MEF2B: variants seen among roughly 807,000 people sequenced by gnomAD.
MEF2B encodes myocyte enhancer factor 2B, also known as myocyte-specific enhancer factor 2B.
In MEF2B, 15 loss-of-function variants were observed where a neutral mutation model predicts 32.2. The ratio of observed to expected loss-of-function variants is 0.47; its 90% CI spans 0.31 to 0.72. The LOEUF (loss-of-function observed/expected upper bound fraction) is 0.72, where lower values mean the gene tolerates loss of function less well. Ranked by LOEUF, MEF2B falls within the 30% of genes least tolerant of loss-of-function variation. The pLI, the probability that MEF2B is intolerant of heterozygous loss-of-function variation, is 0.05. For synonymous variants in MEF2B, 205 were observed against 225.6 expected, an observed-to-expected ratio of 0.91 and a Z score of 0.82; for missense variants, 441 against 511.5, an observed-to-expected ratio of 0.86 and a Z score of 1.33.
chr19:19,152,999 C>T (rs552771611), intron 1 of MEF2B, among the ~76,000 whole-genome samples: 1 of 152,348 alleles, frequency 6.6e-6, no homozygotes, highest in African/African-American at 2.4e-5. Context: ...CAGCCGGAAT[C>T]GGGCCTGTTC....
chr19:19,151,588 C>T (rs770268184), intron 1 of MEF2B, among the ~76,000 whole-genome samples: 1 of 152,144 alleles, frequency 6.6e-6, no homozygotes, highest in East Asian at 1.9e-4. Flanking sequence ...GTCCCCGCTC[C>T]GCCAACTGTG....
intron 2 of MEF2B, 29 bp downstream of exon 2, chr19:19,150,653 C>T (rs2060071792): frequency 6.2e-7 from 1 of 1,613,940 alleles, no homozygotes; most frequent in Non-Finnish European, 8.5e-7. Context: ...AATGTCTTTC[C>T]CAGCCACTGT....
chr19:19,150,606 A>G, intron 2 of MEF2B, 76 bp downstream of exon 2: 7 of 1,595,140 alleles, frequency 4.4e-6, no homozygotes, highest in Non-Finnish European at 6.0e-6. Flanking sequence ...TCAATTGGTC[A>G]GGTCAGTCCC....
chr19:19,150,523 CAAAAAA>C (rs67741867), intron 2 of MEF2B, among the ~76,000 whole-genome samples, 153 bp downstream of exon 2: 12 of 103,400 alleles, frequency 1.2e-4, no homozygotes, highest in Admixed American at 1.0e-3. Context: ...GACTTCATCT[CAAAAAA>C]AAAAAAAAAA....
chr19:19,157,905 T>C (rs1189095947), intron 1 of MEF2B, among the ~76,000 whole-genome samples: 1 of 152,070 alleles, frequency 6.6e-6, no homozygotes, highest in African/African-American at 2.4e-5. Flanking sequence ...GACAGCACTT[T>C]GGTCACCCTG....
At chr19:19,158,966 G>A (rs1435068382) in intron 1 of MEF2B, among the ~76,000 whole-genome samples, 1 of 150,784 alleles carries the variant, frequency 6.6e-6, no homozygotes, top group African/African-American at 2.4e-5. Context: ...TTGAGACAGA[G>A]TTTTGCTCTT....
intron 1 of MEF2B, among the ~76,000 whole-genome samples, chr19:19,151,946 A>C: frequency 6.9e-6 from 1 of 145,494 alleles, no homozygotes; most frequent in Admixed American, 7.1e-5. Context: ...AACATGCTAA[A>C]ACCCCATCTC....
chr19:19,159,657 GGAGGACAAAAGAA>G (rs1171482202), intron 1 of MEF2B, among the ~76,000 whole-genome samples: 1 of 152,084 alleles, frequency 6.6e-6, no homozygotes, highest in African/African-American at 2.4e-5. Flanking sequence ...GGGGGAATTG[GGAGGACAAAAGAA>G]GAGCTCAGGA....
chr19:19,157,094 G>A (rs999881695), intron 1 of MEF2B: 4 of 247,632 alleles, frequency 1.6e-5, no homozygotes, highest in Non-Finnish European at 3.6e-5. Flanking sequence ...AGGTTACAGT[G>A]AGCGATGATG....
intron 2 of MEF2B, among the ~76,000 whole-genome samples, chr19:19,149,859 G>C (rs953201780): frequency 1.8e-4 from 28 of 151,486 alleles, no homozygotes; most frequent in Non-Finnish European, 1.2e-4. Flanking sequence ...CAGGAGGATT[G>C]ATTGAGGTCA....
In MEF2B at chr19:19,145,832, G is replaced by A. The variant is rs1371058058; in HGVS notation, c.1072C>T (p.Arg358Cys). Reference sequence around the variant, plus strand: ...CAGCCGTCGGCCAAGGGCAGCCGGCGCAGGGCGGGCCCAGGCCGCAGAGGC... The same window carrying A: ...CAGCCGTCGGCCAAGGGCAGCCGGCACAGGGCGGGCCCAGGCCGCAGAGGC... ...AEPLRPGPAL[R>C]RLPLADGWPR The change falls in exon 9 of 9, where the codon CGC becomes TGC. Residue 358 changes from arginine (R) to cysteine (C), a missense_variant. Physicochemically the swap from Arg to Cys is radical, Grantham distance 180 (BLOSUM62 -3). Transcript: ENST00000424583. The surrounding 1 kb of genome is among the most constrained non-coding windows in gnomAD (Gnocchi z 4.6). 4.6e-6 allele frequency: 7 copies of A among 1,526,180 alleles called. No homozygotes were observed. Among genetic ancestry groups the A allele is most frequent in the East Asian group, 2.5e-5 (1 of 40,636 alleles). The allele number at this position is 1,526,180 out of a possible 1,614,324, so 94.5% of individuals were successfully genotyped here.
chr19:19,168,037 G>T (rs1293962732), intron 1 of MEF2B, among the ~76,000 whole-genome samples: 1 of 152,188 alleles, frequency 6.6e-6, no homozygotes, highest in Non-Finnish European at 1.5e-5. Flanking sequence ...ACAGGAAGGG[G>T]ACATGAGGGA....
rs948855744 is a variant in MEF2B at position 19,145,590 on chromosome 19, G to A, written c.*207C>T. 10 of 1,234,656 alleles carry A rather than the reference G, an allele frequency of 8.1e-6. No homozygotes were observed. The highest frequency in any genetic ancestry group is 1.5e-5 in the African/African-American group (1 of 64,596). The allele number at this position is 1,234,656 out of a possible 1,614,324, so 76.5% of individuals were successfully genotyped here. On this transcript the variant is annotated 3_prime_UTR_variant, in exon 9 of 9. Transcript: ENST00000424583. This position sits in a 1 kb window ranked among gnomAD's most constrained non-coding sequence, Gnocchi z 4.6. ...AGTCTGGTCCACGGACGCCACGCGC[G>A]TTTTATTTGTGGATATACACACAAA...
chr19:19,148,027 G>A (rs1226073134), intron 3 of MEF2B, among the ~76,000 whole-genome samples, 195 bp from the exon 4 acceptor site: 1 of 152,080 alleles, frequency 6.6e-6, no homozygotes, highest in African/African-American at 2.4e-5. Context: ...CCCTGGGACC[G>A]AAAAGCCCAA....
rs1276066379 is a variant in MEF2B, at chr19:19,147,199, G to A, written c.394-16C>T. On this transcript the variant is annotated splice_polypyrimidine_tract_variant and intron_variant, in intron 4 of 8. Transcript: ENST00000424583. Reference sequence around the variant, plus strand: ...GAGCTGCAGGCTGTGGGTAGAGAAGGGATGGGTCAGAGGACCCCAGGCCAG... The same window carrying A: ...GAGCTGCAGGCTGTGGGTAGAGAAGAGATGGGTCAGAGGACCCCAGGCCAG... 6.4e-7 allele frequency: 1 copy of A among 1,560,166 alleles called. No individual in the cohort carries two copies. Among genetic ancestry groups the A allele is most frequent in the South Asian group, 1.2e-5 (1 of 85,148 alleles).
At chr19:19,153,704 G>T (rs570741348) in intron 1 of MEF2B, among the ~76,000 whole-genome samples, 1 of 151,938 alleles carries the variant, frequency 6.6e-6, no homozygotes, top group Non-Finnish European at 1.5e-5. Context: ...TGATCTGCCC[G>T]CCTTGGCCTC....
chr19:19,147,887 C>A lies in MEF2B; in HGVS notation c.259-55G>T, dbSNP rs973815169. 4.8e-5 allele frequency: 75 copies of A among 1,574,252 alleles called. No individual in the cohort carries two copies. The African/African-American group carries it at 7.8e-4, about 16-fold the overall frequency. The stretch of plus-strand genomic sequence containing the variant: ...CCTTACCCCTACCCCACCCAGGGAA[C>A]CCAGTTCTATGGGAGAGGGGACAGA... On this transcript the variant is annotated intron_variant, in intron 3 of 8. Transcript: ENST00000424583.
rs1023691199 is a variant in MEF2B at position 19,146,508 on chromosome 19, G to C, written c.769+47C>G. 5 of 1,477,718 alleles carry C rather than the reference G, an allele frequency of 3.4e-6. No individual in the cohort carries two copies. The African/African-American group carries it at 7.1e-5, about 21-fold the overall frequency. 91.5% of individuals were successfully genotyped at this position (1,477,718 alleles called of 1,614,324 possible). A position where few individuals can be genotyped will look rare whatever the true frequency, so the allele number is the denominator to read the frequency against. On this transcript the variant is annotated intron_variant, in intron 7 of 8. Coordinates refer to ENST00000424583, the MANE Select transcript of MEF2B (RefSeq NM_001145785.2). ...AGGGTGTGGAACCCCCAGAGGGCAG[G>C]AGTGCGGACGCTTCCCAGGTGGGGC...
chr19:19,164,237 G>T (rs2060189255), intron 1 of MEF2B, among the ~76,000 whole-genome samples: 2 of 152,134 alleles, frequency 1.3e-5, no homozygotes, highest in Non-Finnish European at 2.9e-5. Context: ...CAAAGTGCTG[G>T]GATTACAGCC....
Sources: allele counts gnomAD v4.1 joint callset (sites outside exome capture counted in the v4.1 genomes callset), GRCh38; gene constraint gnomAD v4.1.1; non-coding constraint Gnocchi (gnomAD v3.1); transcripts MANE v1.5; gene names NCBI Gene and HGNC (gene_info 2026-07-23, HGNC 2026-07-21).